Variants in MKLN1 observed in about 807,000 individuals in gnomAD.
The protein encoded by MKLN1 is muskelin.
Under a neutral mutation model 99.0 loss-of-function variants are expected in MKLN1, and 18 were observed. The observed-to-expected ratio is 0.18, with a 90% CI of 0.13 to 0.27. MKLN1 has a LOEUF of 0.27. Ranked by LOEUF, MKLN1 falls within the 10% of genes least tolerant of loss-of-function variation. MKLN1 has a pLI of 1.00. For missense variants in MKLN1, 621 were observed against 875.9 expected (o/e 0.71, Z 3.67); for synonymous variants, 288 against 293.2 (o/e 0.98, Z 0.18).
In MKLN1 at chr7:131,437,827, A is replaced by G; in HGVS notation, c.1003A>G (p.Ile335Val). 6.2e-7 allele frequency: 1 copy of G among 1,613,306 alleles called. No homozygotes were observed. Among genetic ancestry groups the G allele is most frequent in the Non-Finnish European group, 8.5e-7 (1 of 1,179,762 alleles). Residue 335 changes from isoleucine (I) to valine (V), a missense_variant, in exon 10 of 18, where the codon ATT becomes GTT. This residue lies in a region of MKLN1 where 361 missense variants were observed against 540.8 expected (regional missense o/e 0.67). Transcript: ENST00000352689. ...ARSCHKMCID[I>V]QRRQIYTLGR... ...ATCGTGTCATAAAATGTGCATTGAT[A>G]TTCAACGGAGGCAAATCTACACATT... is the stretch of plus-strand genomic sequence containing the variant.
intron 3 of MKLN1, among the ~76,000 whole-genome samples, chr7:131,317,330 C>T (rs552114757): frequency 6.6e-6 from 1 of 152,120 alleles, no homozygotes; most frequent in Non-Finnish European, 1.5e-5. Context: ...AATTTTCAAC[C>T]CAGAATTTCA....
chr7:131,190,099 A>T (rs1172262995), intron 2 of MKLN1, among the ~76,000 whole-genome samples: 2 of 152,162 alleles, frequency 1.3e-5, no homozygotes, highest in Non-Finnish European at 2.9e-5. Flanking sequence ...GGTTCCCTCC[A>T]TCTCTCTGGA....
intron 3 of MKLN1, among the ~76,000 whole-genome samples, chr7:131,275,563 ATATATTTTTTT>A (rs1403225508): frequency 2.2e-4 from 2 of 9,044 alleles, no homozygotes; most frequent in Admixed American, 2.0e-3. Context: ...ATATATATAT[ATATATTTTTTT>A]TTTTTTTTTT....
Position 131,156,164 on chromosome 7 carries a change from T to C in MKLN1, c.-297+13223T>C, listed in dbSNP as rs6467356. 3.9e-3 allele frequency among the ~76,000 whole-genome samples: 594 copies of C among 152,150 alleles called. 6 individuals carry two copies. Among genetic ancestry groups the C allele is most frequent in the African/African-American group, 0.014 (561 of 41,528 alleles). On this transcript the variant is annotated intron_variant, in intron 2 of 7. Coordinates refer to the MKLN1 transcript ENST00000416992. The stretch of plus-strand genomic sequence containing the variant: ...TTGCTATTATTTTAATAGCAAAAAA[T>C]GCAATTATTTTTGCATCAACCTAAT...
In MKLN1 at chr7:131,437,921, T is replaced by G; in HGVS notation, c.1097T>G (p.Ile366Ser). The G allele has an allele frequency of 6.2e-7, 1 of 1,613,964 alleles. No individual in the cohort carries two copies. The highest frequency in any genetic ancestry group is 1.7e-5 in the Admixed American group (1 of 60,014). ...AAAAGTGACTTCTATCGTTATGACATTGATACAAACACATGGATGTTACTA... is the reference window on the plus strand; with the variant it reads ...AAAAGTGACTTCTATCGTTATGACAGTGATACAAACACATGGATGTTACTA... ...SLKSDFYRYD[I>S]DTNTWMLLSE... is the part of the protein sequence containing the mutation. Residue 366 changes from isoleucine to serine, a missense_variant, in exon 10 of 18, where the codon ATT becomes AGT. By Grantham distance (142) the Ile-to-Ser change is moderately radical (BLOSUM62 -2). Transcript: ENST00000352689.
In MKLN1 at chr7:131,487,746, A is replaced by C; in HGVS notation, c.*18A>C. 1 of 1,605,776 alleles carries C rather than the reference A, an allele frequency of 6.2e-7. No homozygotes were observed. On this transcript the variant is annotated 3_prime_UTR_variant, in exon 18 of 18. Coordinates refer to ENST00000352689, the MANE Select transcript of MKLN1 (RefSeq NM_013255.5). The surrounding 1 kb of genome is among the most constrained non-coding windows in gnomAD (Gnocchi z 4.7). Reference sequence around the variant, plus strand: ...CACTGTAACTGAAGAGTCACTGGACACAGAAATGGAAAACAGGAGTCGATT... The same window carrying C: ...CACTGTAACTGAAGAGTCACTGGACCCAGAAATGGAAAACAGGAGTCGATT...
rs148772387 is a variant in MKLN1 at position 131,480,426 on chromosome 7, C to T, written c.2086+1749C>T. ...GTATATATAATTCTGGTGCTTTTCA[C>T]TGGGATGAAAAAATAGAGGTGTTCT... On this transcript the variant is annotated intron_variant, in intron 17 of 17. Coordinates refer to ENST00000352689, the MANE Select transcript of MKLN1 (RefSeq NM_013255.5). 9.9e-5 allele frequency among the ~76,000 whole-genome samples: 15 copies of T among 152,242 alleles called. No homozygotes were observed. The East Asian group carries it at 2.5e-3, about 25-fold the overall frequency.
At chr7:131,132,242 G>A (rs747342681) in intron 1 of MKLN1, among the ~76,000 whole-genome samples, 1 of 152,178 alleles carries the variant, frequency 6.6e-6, no homozygotes, top group African/African-American at 2.4e-5. Flanking sequence ...GAGAACACTC[G>A]TACAATCTCA....
intron 10 of MKLN1, 74 bp from the exon 11 acceptor site, chr7:131,443,407 A>T: frequency 9.3e-7 from 1 of 1,075,298 alleles, no homozygotes; most frequent in Non-Finnish European, 1.4e-6. Flanking sequence ...GTAAAACTGT[A>T]CATGTTGGTT....
At chr7:131,377,343 A>G (rs547034002) in intron 2 of MKLN1, among the ~76,000 whole-genome samples, 6 of 152,240 alleles carry the variant, frequency 3.9e-5, no homozygotes, top group African/African-American at 9.6e-5. Flanking sequence ...CATCACTTCT[A>G]TGGGTGGATT....
intron 3 of MKLN1, among the ~76,000 whole-genome samples, chr7:131,233,510 C>T (rs979354778): frequency 6.6e-6 from 1 of 151,534 alleles, no homozygotes; most frequent in African/African-American, 2.4e-5. Context: ...AGTTGTGAGG[C>T]CCTTAAAGAA....
chr7:131,478,835 C>A, intron 17 of MKLN1, 158 bp downstream of exon 17: 2 of 868,510 alleles, frequency 2.3e-6, no homozygotes, highest in Non-Finnish European at 3.7e-6. Context: ...TAACCTGCTA[C>A]AAGGTTGCTT....
chr7:131,304,145 G>A (rs947598000), intron 3 of MKLN1, among the ~76,000 whole-genome samples: 2 of 152,148 alleles, frequency 1.3e-5, no homozygotes, highest in Non-Finnish European at 2.9e-5. Context: ...AGGCTGAGGC[G>A]GGAGGATCTC....
intron 2 of MKLN1, among the ~76,000 whole-genome samples, chr7:131,185,599 A>AAAT (rs1007187358): frequency 1.3e-5 from 2 of 151,880 alleles, no homozygotes; most frequent in African/African-American, 4.8e-5. Flanking sequence ...AAAAATAAAA[A>AAAT]AATTACTTTC....
chr7:131,169,177 T>C (rs2632204), intron 2 of MKLN1, among the ~76,000 whole-genome samples: 139,579 of 152,312 alleles, frequency 0.92, 64,615 homozygotes, highest in East Asian at 1. Flanking sequence ...CCACCGTGTC[T>C]GGCTGAAACC....
intron 1 of MKLN1, among the ~76,000 whole-genome samples, chr7:131,116,003 C>G (rs1369298731): frequency 6.6e-6 from 1 of 152,084 alleles, no homozygotes; most frequent in Non-Finnish European, 1.5e-5. Flanking sequence ...ATATATCAGG[C>G]ACTTAAAAAA....
intron 3 of MKLN1, among the ~76,000 whole-genome samples, chr7:131,282,886 T>C (rs1402502779): frequency 6.6e-6 from 1 of 152,166 alleles, no homozygotes; most frequent in Admixed American, 6.5e-5. Context: ...TCAGCCAGGT[T>C]TGGAAATTTC....
intron 10 of MKLN1, among the ~76,000 whole-genome samples, chr7:131,440,965 A>G (rs959043912): frequency 6.6e-6 from 1 of 152,218 alleles, no homozygotes; most frequent in African/African-American, 2.4e-5. Context: ...CTATAAGAGA[A>G]CTAAAATGAG....
intron 12 of MKLN1, among the ~76,000 whole-genome samples, chr7:131,453,854 T>G (rs1796255999): frequency 6.6e-6 from 1 of 152,154 alleles, no homozygotes; most frequent in South Asian, 2.1e-4. Context: ...TAAAAGTGGA[T>G]AATCCTGTAG....
Sources: gnomAD v4.1 joint callset for allele counts (sites outside exome capture counted in the v4.1 genomes callset) on GRCh38, gnomAD v4.1.1 for gene constraint, gnomAD v4.1.1 regional missense constraint, Gnocchi (gnomAD v3.1) non-coding constraint, MANE v1.5 for transcripts, NCBI Gene and HGNC (gene_info 2026-07-23, HGNC 2026-07-21) for gene names.